Variants in ATF7IP observed in about 807,000 individuals in gnomAD.
The protein encoded by ATF7IP is activating transcription factor 7-interacting protein 1.
ATF7IP carries 23 observed loss-of-function variants against 106.4 expected under a neutral mutation model. That is an observed-to-expected ratio of 0.22 (90% CI 0.16 to 0.31). ATF7IP has a LOEUF of 0.31. Among genes scored for constraint, ATF7IP ranks in the 10% least tolerant of loss-of-function variants. ATF7IP has a pLI of 1.00. For missense variants in ATF7IP, 1,334 were observed against 1,524.3 expected (o/e 0.88, Z 2.08); for synonymous variants, 542 against 539.0 (o/e 1.01, Z -0.08).
intron 2 of ATF7IP, among the ~76,000 whole-genome samples, chr12:14,432,113 T>C (rs1410239826): frequency 6.6e-6 from 1 of 152,154 alleles, no homozygotes; most frequent in African/African-American, 2.4e-5. Context: ...GAAACTAACA[T>C]GCGTATAAAA....
chr12:14,490,984 G>C (rs71459157), intron 13 of ATF7IP, among the ~76,000 whole-genome samples: 1 of 152,144 alleles, frequency 6.6e-6, no homozygotes, highest in Non-Finnish European at 1.5e-5. Flanking sequence ...CTCTCAAAAG[G>C]AGAGTAGTTA....
At chr12:14,394,875 T>G (rs1481504690) in intron 1 of ATF7IP, 1 of 152,192 alleles carries the variant, frequency 6.6e-6, no homozygotes, top group Non-Finnish European at 1.5e-5. Context: ...ACCTAATAGT[T>G]GGCAGCATAG....
intron 2 of ATF7IP, among the ~76,000 whole-genome samples, chr12:14,425,874 A>G (rs548639342): frequency 3.9e-5 from 6 of 152,314 alleles, no homozygotes; most frequent in Admixed American, 3.9e-4. Flanking sequence ...AAGTGTAACA[A>G]ATTATATTTT....
chr12:14,438,439 G>A (rs952850731), intron 5 of ATF7IP, among the ~76,000 whole-genome samples, 172 bp downstream of exon 5: 6 of 152,244 alleles, frequency 3.9e-5, no homozygotes, highest in Non-Finnish European at 7.3e-5. Context: ...AATAAACTGA[G>A]TGGTTTAAAC....
At chr12:14,376,576 C>T (rs1258589025) in intron 1 of ATF7IP, among the ~76,000 whole-genome samples, 6 of 152,190 alleles carry the variant, frequency 3.9e-5, no homozygotes, top group Middle Eastern at 3.2e-3. Context: ...TATTTATTAG[C>T]TTGTCTCCAC....
intron 10 of ATF7IP, among the ~76,000 whole-genome samples, chr12:14,472,244 T>A (rs1392337550): frequency 6.6e-6 from 1 of 152,204 alleles, no homozygotes; most frequent in Non-Finnish European, 1.5e-5. Flanking sequence ...GAATAAATGC[T>A]AATAGTAAAT....
intron 6 of ATF7IP, among the ~76,000 whole-genome samples, chr12:14,448,411 T>A (rs1038073247): frequency 2.6e-5 from 4 of 152,222 alleles, no homozygotes; most frequent in Non-Finnish European, 5.9e-5. Flanking sequence ...TATGTCTGTC[T>A]GTGTTTATGA....
At chr12:14,392,845 T>C (rs1450810229) in intron 1 of ATF7IP, among the ~76,000 whole-genome samples, 3 of 152,202 alleles carry the variant, frequency 2.0e-5, no homozygotes, top group Non-Finnish European at 4.4e-5. Flanking sequence ...GTCAGTTGAG[T>C]CAAAACAATT....
intron 10 of ATF7IP, among the ~76,000 whole-genome samples, chr12:14,474,837 T>C (rs897831990): frequency 1.3e-5 from 2 of 152,208 alleles, no homozygotes; most frequent in Non-Finnish European, 2.9e-5. Flanking sequence ...TTAATGATAA[T>C]ATGTTGTAGT....
At chr12:14,485,258 A>G (rs904388234) in intron 13 of ATF7IP, among the ~76,000 whole-genome samples, 4 of 151,890 alleles carry the variant, frequency 2.6e-5, no homozygotes, top group African/African-American at 9.7e-5. Context: ...GGCTGGAGTA[A>G]CACACCCACA....
chr12:14,379,680 G>A (rs1324256475), intron 1 of ATF7IP, among the ~76,000 whole-genome samples: 1 of 152,156 alleles, frequency 6.6e-6, no homozygotes, highest in Non-Finnish European at 1.5e-5. Flanking sequence ...TTGATTGATA[G>A]TTTGGCTGGG....
chr12:14,427,655 C>T (rs1342836507), intron 2 of ATF7IP, among the ~76,000 whole-genome samples: 1 of 152,190 alleles, frequency 6.6e-6, no homozygotes, highest in Non-Finnish European at 1.5e-5. Flanking sequence ...TGAGCCACCG[C>T]GTCTGGCCAA....
At chr12:14,427,455 C>T (rs1200423911) in intron 2 of ATF7IP, among the ~76,000 whole-genome samples, 8 of 152,052 alleles carry the variant, frequency 5.3e-5, no homozygotes, top group Admixed American at 1.3e-4. Flanking sequence ...CTCCGCCTCC[C>T]GGGTTCAAGT....
intron 6 of ATF7IP, among the ~76,000 whole-genome samples, chr12:14,449,937 T>C (rs1256988246): frequency 6.6e-6 from 1 of 152,138 alleles, no homozygotes; most frequent in Non-Finnish European, 1.5e-5. Context: ...AAGTATTTTA[T>C]TCTTTTCGAT....
intron 12 of ATF7IP, 89 bp downstream of exon 12, chr12:14,478,561 A>C: frequency 1.4e-6 from 2 of 1,438,650 alleles, no homozygotes; most frequent in Non-Finnish European, 1.9e-6. Flanking sequence ...AAGACAGAAA[A>C]TTAATATTCA....
At chr12:14,421,408 G>A (rs1387803760) in intron 1 of ATF7IP, among the ~76,000 whole-genome samples, 2 of 152,064 alleles carry the variant, frequency 1.3e-5, no homozygotes, top group Admixed American at 6.6e-5. Context: ...TTGAAATCAC[G>A]GTGTTGTCAT....
chr12:14,424,128 G>A lies in ATF7IP; in HGVS notation c.213G>A (p.Val71=), dbSNP rs1211933000. 3 of 1,614,048 alleles carry A rather than the reference G, an allele frequency of 1.9e-6. No homozygotes were observed. The highest frequency in any genetic ancestry group is 2.2e-5 in the South Asian group (2 of 91,080). Residue 71 remains valine, a synonymous_variant, in exon 2 of 15, where the codon GTG becomes GTA. Coordinates refer to ENST00000261168, the MANE Select transcript of ATF7IP (RefSeq NM_018179.5). ...NMDYIKDKEE[V]NGIEEICFDP... ...ATTACATTAAAGACAAGGAAGAGGT[G>A]AATGGCATTGAAGAGATTTGTTTTG...
At chr12:14,451,415 C>T (rs917934651) in intron 6 of ATF7IP, among the ~76,000 whole-genome samples, 4 of 151,944 alleles carry the variant, frequency 2.6e-5, no homozygotes, top group Admixed American at 2.0e-4. Flanking sequence ...TTTCTTTCCT[C>T]TTGCTAATTT....
At chr12:14,494,404 T>C (rs1424608153) in intron 13 of ATF7IP, among the ~76,000 whole-genome samples, 2 of 141,192 alleles carry the variant, frequency 1.4e-5, no homozygotes, top group African/African-American at 5.2e-5. Context: ...ATACTATATA[T>C]AAACTAATAG....
Sources: allele counts gnomAD v4.1 joint callset (sites outside exome capture counted in the v4.1 genomes callset), GRCh38; gene constraint gnomAD v4.1.1; transcripts MANE v1.5; gene names NCBI Gene and HGNC (gene_info 2026-07-23, HGNC 2026-07-21).